The following WNK3 variants were observed in gnomAD, a reference collection of about 807,000 sequenced individuals.
WNK3 encodes the protein serine/threonine-protein kinase WNK3.
WNK3 carries 18 observed loss-of-function variants against 116.7 expected under a neutral mutation model. The ratio of observed to expected loss-of-function variants is 0.15; its 90% confidence interval spans 0.11 to 0.23. The LOEUF is 0.23. Among genes scored for constraint, WNK3 ranks in the 10% least tolerant of loss-of-function variants. The pLI is 1.00. For synonymous variants in WNK3, 404 were observed against 469.4 expected (o/e 0.86, Z 1.80); for missense variants, 993 against 1,323.8 (o/e 0.75, Z 3.88).
chrX:54,217,357 G>A (rs782625549), intron 22 of WNK3, among the ~76,000 whole-genome samples: 333 of 99,081 alleles, frequency 3.4e-3, no homozygotes, highest in Non-Finnish European at 5.5e-3. Context: ...GGCCAGGCGC[G>A]GTGGCTCACA....
At chrX:54,293,727 T>C (rs1422645704) in intron 8 of WNK3, among the ~76,000 whole-genome samples, 1 of 112,158 alleles carries the variant, frequency 8.9e-6, no homozygotes, top group Non-Finnish European at 1.9e-5. Flanking sequence ...ACTATGCAAA[T>C]ACTGTGTCCT....
At chrX:54,305,066 G>A (rs1332345483) in intron 5 of WNK3, among the ~76,000 whole-genome samples, 1 of 109,975 alleles carries the variant, frequency 9.1e-6, no homozygotes, top group Non-Finnish European at 1.9e-5. Flanking sequence ...CATGAGAATC[G>A]CTTGAACCCA....
intron 17 of WNK3, among the ~76,000 whole-genome samples, chrX:54,244,372 T>A (rs949502474): frequency 8.9e-6 from 1 of 111,744 alleles, no homozygotes; most frequent in African/African-American, 3.3e-5. Flanking sequence ...ATGAGGAAAT[T>A]AAGGCTGGGT....
intron 2 of WNK3, among the ~76,000 whole-genome samples, chrX:54,319,865 T>G (rs782532574): frequency 7.2e-5 from 8 of 111,835 alleles, no homozygotes; most frequent in African/African-American, 2.6e-4. Flanking sequence ...CAATAAGAAT[T>G]CTTACACAAG....
chrX:54,308,943 A>G (rs2068856179), intron 4 of WNK3, 152 bp downstream of exon 4: 1 of 466,683 alleles, frequency 2.1e-6, no homozygotes, highest in Non-Finnish European at 3.7e-6. Context: ...TAAATGAGTG[A>G]GTGTGACTGT....
intron 8 of WNK3, 75 bp downstream of exon 8, chrX:54,294,478 T>G (rs782556899): frequency 2.4e-6 from 2 of 838,775 alleles, no homozygotes; most frequent in African/African-American, 4.1e-5. Flanking sequence ...CATTGACCAC[T>G]GCCCTTCAAA....
chrX:54,303,302 G>A (rs1557168005), intron 5 of WNK3, among the ~76,000 whole-genome samples: 2 of 110,905 alleles, frequency 1.8e-5, no homozygotes, highest in African/African-American at 3.3e-5. Flanking sequence ...ATGAAGTCCA[G>A]ACAATTCAAA....
At chrX:54,345,523 G>A (rs2069410450) in intron 1 of WNK3, among the ~76,000 whole-genome samples, 1 of 110,257 alleles carries the variant, frequency 9.1e-6, no homozygotes, top group African/African-American at 3.3e-5. Context: ...ACCACAAAGA[G>A]GCGATTCTAG....
chrX:54,315,467 A>G (rs1448094555), intron 2 of WNK3, among the ~76,000 whole-genome samples: 2 of 111,356 alleles, frequency 1.8e-5, no homozygotes, highest in Non-Finnish European at 3.8e-5. Flanking sequence ...ACATAGATCT[A>G]GCTTCATCTT....
rs926143310 is a variant in WNK3 at position 54,310,597 on chromosome X, T to G, written c.710+522A>C. On this transcript the variant is annotated intron_variant, in intron 3 of 23. Coordinates refer to ENST00000354646, the Ensembl canonical transcript of WNK3. Reference sequence around the variant, plus strand: ...AAATAAAATAAAATTATATTCTCTATAATAGATTTTTAATTCTAAAATTCT... The same window carrying G: ...AAATAAAATAAAATTATATTCTCTAGAATAGATTTTTAATTCTAAAATTCT... Among the ~76,000 whole-genome samples the G allele has an allele frequency of 4.8e-5, 4 of 83,752 alleles. No individual in the cohort carries two copies. The African/African-American group carries it at 5.7e-4, about 12-fold the overall frequency. The allele number at this position is 83,752 out of a possible 115,157, so 72.7% of individuals were successfully genotyped here.
intron 22 of WNK3, among the ~76,000 whole-genome samples, chrX:54,215,925 T>C (rs2146765783): frequency 9.0e-6 from 1 of 111,728 alleles, no homozygotes; most frequent in African/African-American, 3.2e-5. Context: ...TCCATTTTGT[T>C]CTGTACTAAG....
intron 8 of WNK3, 78 bp downstream of exon 8, chrX:54,294,475 C>T: frequency 1.2e-6 from 1 of 808,392 alleles, no homozygotes; most frequent in Non-Finnish European, 1.7e-6. Flanking sequence ...GGTCATTGAC[C>T]ACTGCCCTTC....
chrX:54,301,914 A>C (rs1557167552), intron 5 of WNK3, 55 bp from the exon 6 acceptor site: 1 of 863,177 alleles, frequency 1.2e-6, no homozygotes, highest in African/African-American at 2.0e-5. Flanking sequence ...GCCCAAGTCA[A>C]CATGACATTT....
intron 1 of WNK3, among the ~76,000 whole-genome samples, chrX:54,336,636 C>G (rs2069241610): frequency 9.0e-6 from 1 of 110,922 alleles, no homozygotes; most frequent in Admixed American, 9.7e-5. Flanking sequence ...CAGATGAGGA[C>G]AGAGAGGCAG....
At position 54,199,067 on chromosome X, in the gene WNK3, A is replaced by G. The variant is rs782142889; in HGVS notation, c.5074-414T>C. ...AATGAACATTATTAGTTTATAGATAACCTGATTTTTAAAAAAAGACAAATT... is the reference window on the plus strand; with the variant it reads ...AATGAACATTATTAGTTTATAGATAGCCTGATTTTTAAAAAAAGACAAATT... On this transcript the variant is annotated intron_variant, in intron 23 of 23. Transcript: ENST00000354646. 1.2e-3 allele frequency among the ~76,000 whole-genome samples: 130 copies of G among 111,311 alleles called. 1 individual carries two copies. Among genetic ancestry groups the G allele is most frequent in the Middle Eastern group, 4.6e-3 (1 of 218 alleles).
intron 2 of WNK3, among the ~76,000 whole-genome samples, chrX:54,315,302 CAAA>C (rs1162816570): frequency 1.7e-4 from 6 of 36,207 alleles, no homozygotes; most frequent in Admixed American, 7.6e-4. Flanking sequence ...GACCTTGTCT[CAAA>C]AAAAAAAAAA....
exon 20 of WNK3, chrX:54,237,548 T>C (rs1200963538): frequency 8.6e-7 from 1 of 1,156,484 alleles, no homozygotes; most frequent in Non-Finnish European, 1.1e-6. Context: ...GGAATTGTAA[T>C]CACCTGAGAT....
chrX:54,297,576 C>CA (rs782695359), intron 7 of WNK3, among the ~76,000 whole-genome samples: 84 of 76,993 alleles, frequency 1.1e-3, no homozygotes, highest in Admixed American at 4.1e-3. Context: ...GACTCCATCT[C>CA]AAAAAAAAAA....
intron 7 of WNK3, among the ~76,000 whole-genome samples, 153 bp downstream of exon 7, chrX:54,298,022 G>A (rs982038115): frequency 1.8e-5 from 2 of 110,545 alleles, no homozygotes; most frequent in African/African-American, 3.3e-5. Context: ...GCAGTGAGCC[G>A]AGATCGCACC....
Sources: gnomAD v4.1 joint callset for allele counts (sites outside exome capture counted in the v4.1 genomes callset) on GRCh38, gnomAD v4.1.1 for gene constraint, MANE v1.5 for transcripts, NCBI Gene and HGNC (gene_info 2026-07-23, HGNC 2026-07-21) for gene names.